The following LMBR1 variants were observed in gnomAD, a reference collection of about 807,000 sequenced individuals.
LMBR1 encodes the protein limb development membrane protein 1, also known as limb region 1 protein homolog.
LMBR1 carries 52 observed loss-of-function variants against 73.9 expected under a neutral mutation model. The ratio of observed to expected loss-of-function variants is 0.70; its 90% confidence interval spans 0.56 to 0.89. LMBR1 has a LOEUF of 0.89. LMBR1 is among the 40% of genes least tolerant of loss of function. The pLI, the probability that LMBR1 is intolerant of heterozygous loss-of-function variation, is 0.00. For missense variants in LMBR1, 539 were observed against 579.8 expected (o/e 0.93, Z 0.72); for synonymous variants, 215 against 209.4 (o/e 1.03, Z -0.23).
At chr7:156,756,867 G>A (rs1198955291) in intron 8 of LMBR1, among the ~76,000 whole-genome samples, 1 of 152,104 alleles carries the variant, frequency 6.6e-6, no homozygotes, top group African/African-American at 2.4e-5. Context: ...AGGCTGGAGT[G>A]CAGTGGTACG....
intron 1 of LMBR1, among the ~76,000 whole-genome samples, chr7:156,847,733 G>A (rs1795693926): frequency 6.6e-6 from 1 of 152,146 alleles, no homozygotes; most frequent in Admixed American, 6.6e-5. Context: ...ACACCTATTA[G>A]AATGACTAAA....
intron 10 of LMBR1, among the ~76,000 whole-genome samples, chr7:156,729,790 A>G (rs1335127968): frequency 6.6e-6 from 1 of 152,196 alleles, no homozygotes; most frequent in East Asian, 1.9e-4. Context: ...ATTTTCCCAA[A>G]GATAAGCACT....
intron 1 of LMBR1, among the ~76,000 whole-genome samples, chr7:156,888,898 A>AT (rs1802407214): frequency 6.6e-6 from 1 of 152,050 alleles, no homozygotes; most frequent in African/African-American, 2.4e-5. Flanking sequence ...TACTAAAAAT[A>AT]CAAAAATTAG....
At chr7:156,840,947 T>C (rs1329502560) in intron 1 of LMBR1, among the ~76,000 whole-genome samples, 1 of 126,936 alleles carries the variant, frequency 7.9e-6, no homozygotes, top group Non-Finnish European at 1.6e-5. Flanking sequence ...CCTGGGCGAC[T>C]GAGCAAGACT....
intron 1 of LMBR1, among the ~76,000 whole-genome samples, chr7:156,884,188 A>C (rs1430469631): frequency 1.3e-5 from 2 of 152,200 alleles, no homozygotes; most frequent in Admixed American, 1.3e-4. Flanking sequence ...AGCCCCTGAC[A>C]TCTGGGAGCT....
At chr7:156,671,040 G>C (rs1383325831) in intron 4 of LMBR1, among the ~76,000 whole-genome samples, 1 of 152,304 alleles carries the variant, frequency 6.6e-6, no homozygotes, top group Non-Finnish European at 1.5e-5. Context: ...GTATTGGTTC[G>C]AGGGATAAAA....
At chr7:156,811,624 T>C (rs1306253389) in intron 4 of LMBR1, among the ~76,000 whole-genome samples, 1 of 151,922 alleles carries the variant, frequency 6.6e-6, no homozygotes, top group Non-Finnish European at 1.5e-5. Context: ...AAAAAAAGAA[T>C]TGTTTTCATG....
intron 9 of LMBR1, among the ~76,000 whole-genome samples, chr7:156,754,594 A>G (rs1050535502): frequency 1.3e-5 from 2 of 151,990 alleles, no homozygotes; most frequent in East Asian, 1.9e-4. Context: ...TTATTCTGGA[A>G]TTCTTTTTAA....
chr7:156,696,577 C>T (rs977857171), intron 15 of LMBR1, among the ~76,000 whole-genome samples: 5 of 152,230 alleles, frequency 3.3e-5, no homozygotes, highest in South Asian at 2.1e-4. Context: ...TCTCACATAG[C>T]GGCAGCAAGA....
At chr7:156,676,200 C>T, downstream of LMBR1, 1 of 1,437,796 alleles carries the variant, frequency 7.0e-7, no homozygotes. Context: ...AGGTGGGTTA[C>T]TAACCCTTTC....
At chr7:156,887,193 C>A (rs768386351) in intron 1 of LMBR1, among the ~76,000 whole-genome samples, 1 of 152,120 alleles carries the variant, frequency 6.6e-6, no homozygotes, top group Non-Finnish European at 1.5e-5. Flanking sequence ...AGGCTGGGCG[C>A]GGTGGCTCAC....
intron 15 of LMBR1, among the ~76,000 whole-genome samples, chr7:156,689,665 A>AT: frequency 6.6e-6 from 1 of 152,346 alleles, no homozygotes; most frequent in South Asian, 2.1e-4. Flanking sequence ...AAGGTAGATA[A>AT]TTAATGAAAA....
intron 5 of LMBR1, among the ~76,000 whole-genome samples, chr7:156,765,219 G>A (rs1823864568): frequency 6.6e-6 from 1 of 152,154 alleles, no homozygotes; most frequent in African/African-American, 2.4e-5. Context: ...ATCTCGAATT[G>A]TAATTCCCAT....
At chr7:156,826,512 T>C (rs1168231106) in intron 4 of LMBR1, 93 bp downstream of exon 4, 33 of 893,428 alleles carry the variant, frequency 3.7e-5, no homozygotes, top group Non-Finnish European at 5.1e-5. Context: ...AGTCACAAAT[T>C]ATGAAGAAAA....
At chr7:156,672,914 A>T (rs1802879241), downstream of LMBR1, among the ~76,000 whole-genome samples, 1 of 152,180 alleles carries the variant, frequency 6.6e-6, no homozygotes, top group Non-Finnish European at 1.5e-5. Context: ...TGGTTCTTAA[A>T]CCTGAATGGG....
chr7:156,776,928 C>CTT (rs59567598), intron 5 of LMBR1, among the ~76,000 whole-genome samples: 42 of 142,562 alleles, frequency 2.9e-4, no homozygotes, highest in Admixed American at 2.8e-4. Context: ...ATTTTCACAA[C>CTT]TTTTTTTTTT....
intron 1 of LMBR1, among the ~76,000 whole-genome samples, chr7:156,846,052 C>G (rs186613139): frequency 1.1e-4 from 16 of 152,044 alleles, no homozygotes; most frequent in African/African-American, 3.9e-4. Flanking sequence ...CACTTGAGAC[C>G]AAAAGTGATC....
chr7:156,774,288 T>C (rs545751226), intron 5 of LMBR1, among the ~76,000 whole-genome samples: 2 of 152,188 alleles, frequency 1.3e-5, no homozygotes, highest in African/African-American at 4.8e-5. Flanking sequence ...AGTTCAGCCA[T>C]GTGGAAAGCA....
chr7:156,863,831 G>A (rs1468209110), intron 1 of LMBR1, among the ~76,000 whole-genome samples: 1 of 152,128 alleles, frequency 6.6e-6, no homozygotes, highest in African/African-American at 2.4e-5. Flanking sequence ...TTAGTATGAA[G>A]CAAAAGTATT....
Sources: gnomAD v4.1 joint callset for allele counts (sites outside exome capture counted in the v4.1 genomes callset) on GRCh38, gnomAD v4.1.1 for gene constraint, MANE v1.5 for transcripts, NCBI Gene and HGNC (gene_info 2026-07-23, HGNC 2026-07-21) for gene names.